Variants in NTRK2 observed in about 807,000 individuals in gnomAD.
NTRK2 encodes the protein neurotrophic receptor tyrosine kinase 2.
Under a neutral mutation model 94.5 loss-of-function variants are expected in NTRK2, and 13 were observed. The ratio of observed to expected loss-of-function variants is 0.14; its 90% CI spans 0.09 to 0.22. NTRK2 has a LOEUF of 0.22. Among genes scored for constraint, NTRK2 ranks in the 10% least tolerant of loss-of-function variants. The pLI is 1.00. For missense variants in NTRK2, 639 were observed against 1,071.2 expected, an observed-to-expected ratio of 0.60 and a Z score of 5.63; for synonymous variants, 372 against 407.4, an observed-to-expected ratio of 0.91 and a Z score of 1.05.
At chr9:84,700,175 T>C (rs878909621) in intron 2 of NTRK2, among the ~76,000 whole-genome samples, 1 of 152,204 alleles carries the variant, frequency 6.6e-6, no homozygotes. Flanking sequence ...TCTATCCTTT[T>C]TGCTGTCAGT....
In NTRK2 at chr9:84,955,682, G is replaced by A. The variant is rs367798118; in HGVS notation, c.2172+165G>A. 140 of 725,598 alleles carry A rather than the reference G, an allele frequency of 1.9e-4. No homozygotes were observed. The African/African-American group carries it at 2.1e-3, about 11-fold the overall frequency. The allele number at this position is 725,598 out of a possible 1,614,324, so 44.9% of individuals were successfully genotyped here. On this transcript the variant is annotated intron_variant, in intron 17 of 18. Coordinates refer to ENST00000277120, the MANE Select transcript of NTRK2 (RefSeq NM_006180.6). ...GAGGCTGGAAGTCCAAGCTCAAGGTGTGAGTGGGATTGGTTCCTCCTGAGG... is the reference window on the plus strand; with the variant it reads ...GAGGCTGGAAGTCCAAGCTCAAGGTATGAGTGGGATTGGTTCCTCCTGAGG...
At chr9:84,812,438 G>T (rs1464391999) in intron 12 of NTRK2, 45 of 1,054,668 alleles carry the variant, frequency 4.3e-5, no homozygotes, top group Non-Finnish European at 5.0e-5. Context: ...AAGGGCAGCT[G>T]GCCCCCAATG....
chr9:84,964,762 T>C (rs1825358395), intron 17 of NTRK2, among the ~76,000 whole-genome samples: 1 of 152,234 alleles, frequency 6.6e-6, no homozygotes. Flanking sequence ...TTGTCTAGTA[T>C]GAAAACAATT....
chr9:84,946,054 A>T (rs1464303854), intron 15 of NTRK2, among the ~76,000 whole-genome samples: 1 of 152,314 alleles, frequency 6.6e-6, no homozygotes, highest in East Asian at 1.9e-4. Context: ...GATCTAGAAA[A>T]TGACCACCAG....
At chr9:84,808,298 G>C (rs1293734402) in intron 12 of NTRK2, among the ~76,000 whole-genome samples, 1 of 152,156 alleles carries the variant, frequency 6.6e-6, no homozygotes, top group African/African-American at 2.4e-5. Context: ...AGAGAAGCCT[G>C]GTTAAGTTCC....
intron 10 of NTRK2, among the ~76,000 whole-genome samples, chr9:84,742,264 G>T (rs1302040697): frequency 1.3e-5 from 2 of 152,148 alleles, no homozygotes; most frequent in African/African-American, 4.8e-5. Context: ...TCAGTTTCTG[G>T]CTATGACAGT....
At chr9:84,995,617 C>A (rs923727196) in intron 17 of NTRK2, among the ~76,000 whole-genome samples, 8 of 152,122 alleles carry the variant, frequency 5.3e-5, no homozygotes, top group Non-Finnish European at 1.0e-4. Flanking sequence ...CCTTTCTGGG[C>A]CCTAGTTACT....
At chr9:84,882,578 G>A (rs568124559) in intron 14 of NTRK2, among the ~76,000 whole-genome samples, 1 of 152,134 alleles carries the variant, frequency 6.6e-6, no homozygotes. Flanking sequence ...TGTTGGAGGA[G>A]ATCTGTATCT....
intron 9 of NTRK2, among the ~76,000 whole-genome samples, chr9:84,735,102 A>G (rs1298739735): frequency 1.3e-5 from 2 of 152,150 alleles, no homozygotes; most frequent in Admixed American, 1.3e-4. Flanking sequence ...CATTAAAAAA[A>G]TTGTCATTTT....
chr9:84,813,650 G>C, intron 12 of NTRK2: 5 of 1,066,028 alleles, frequency 4.7e-6, no homozygotes, highest in Non-Finnish European at 5.7e-6. Context: ...CCCTTTGCTG[G>C]GAATTCTGCA....
Position 85,002,565 on chromosome 9 carries a change from G to A in NTRK2, c.2173-17641G>A, listed in dbSNP as rs570429171. Among the ~76,000 whole-genome samples the A allele has an allele frequency of 5.3e-5, 8 of 152,274 alleles. No homozygotes were observed. In the South Asian group the frequency reaches 6.2e-4, roughly 12 times the overall value. ...AATTTAGAGAGGTGATGAAGTGACC[G>A]TTCAAGTGTTCAGCAAATGGATAAA... On this transcript the variant is annotated intron_variant, in intron 17 of 18. Coordinates refer to ENST00000277120, the MANE Select transcript of NTRK2 (RefSeq NM_006180.6).
At chr9:84,774,706 T>G (rs2066868046) in intron 12 of NTRK2, among the ~76,000 whole-genome samples, 1 of 152,334 alleles carries the variant, frequency 6.6e-6, no homozygotes, top group South Asian at 2.1e-4. Context: ...CGTCAGCATA[T>G]TATAGGGTCC....
intron 15 of NTRK2, among the ~76,000 whole-genome samples, chr9:84,942,291 A>G (rs2078438156): frequency 6.6e-6 from 1 of 152,212 alleles, no homozygotes; most frequent in East Asian, 1.9e-4. Flanking sequence ...CCAAAGCTGA[A>G]TTTTGTAAGA....
chr9:84,672,955 C>G (rs536223839), intron 2 of NTRK2, among the ~76,000 whole-genome samples: 1 of 152,288 alleles, frequency 6.6e-6, no homozygotes, highest in South Asian at 2.1e-4. Flanking sequence ...TCAATCGTGG[C>G]ACTTCTAATT....
At chr9:84,867,850 A>T (rs2075667482) in intron 14 of NTRK2, among the ~76,000 whole-genome samples, 1 of 152,220 alleles carries the variant, frequency 6.6e-6, no homozygotes, top group Non-Finnish European at 1.5e-5. Flanking sequence ...GGTAGTTGGG[A>T]AGGCACTGTG....
intron 14 of NTRK2, among the ~76,000 whole-genome samples, chr9:84,923,854 C>G (rs1052212166): frequency 2.6e-5 from 4 of 151,728 alleles, no homozygotes; most frequent in African/African-American, 9.7e-5. Flanking sequence ...GAACTGAGAT[C>G]GCGCCACTGC....
At chr9:84,997,814 G>C (rs1829924221) in intron 17 of NTRK2, among the ~76,000 whole-genome samples, 1 of 152,208 alleles carries the variant, frequency 6.6e-6, no homozygotes, top group South Asian at 2.1e-4. Flanking sequence ...TGGAATGGCA[G>C]AAGGAAGAGA....
At chr9:84,883,601 C>T (rs1277626768) in intron 14 of NTRK2, among the ~76,000 whole-genome samples, 6 of 152,194 alleles carry the variant, frequency 3.9e-5, no homozygotes, top group Non-Finnish European at 8.8e-5. Context: ...TTAGGATTCT[C>T]TGTGCACCAA....
At chr9:85,009,633 T>C (rs1249126803) in intron 17 of NTRK2, among the ~76,000 whole-genome samples, 1 of 152,222 alleles carries the variant, frequency 6.6e-6, no homozygotes, top group African/African-American at 2.4e-5. Flanking sequence ...GCACACAAAG[T>C]ACATGCTCAG....
Sources: gnomAD v4.1 joint callset for allele counts (sites outside exome capture counted in the v4.1 genomes callset) on GRCh38, gnomAD v4.1.1 for gene constraint, MANE v1.5 for transcripts, NCBI Gene and HGNC (gene_info 2026-07-23, HGNC 2026-07-21) for gene names.